Variants in CSMD1 observed in about 807,000 individuals in gnomAD.
CSMD1 encodes CUB and Sushi multiple domains 1.
Under a neutral mutation model 417.5 loss-of-function variants are expected in CSMD1, and 213 were observed. The observed-to-expected ratio is 0.51, with a 90% CI of 0.46 to 0.57. The LOEUF is 0.57. Among genes scored for constraint, CSMD1 ranks in the 20% least tolerant of loss-of-function variants. CSMD1 has a pLI of 0.00. For missense variants in CSMD1, 6,923 were observed against 4,529.7 expected (o/e 1.53, Z -15.17); for synonymous variants, 2,862 against 1,736.8 (o/e 1.65, Z -16.11).
intron 37 of CSMD1, among the ~76,000 whole-genome samples, chr8:3,169,201 G>C (rs934164063): frequency 1.3e-5 from 2 of 152,142 alleles, no homozygotes; most frequent in East Asian, 3.9e-4. Flanking sequence ...GTGAATTACA[G>C]ACTCCACCCC....
chr8:4,419,920 G>A (rs1585046503), intron 3 of CSMD1, 33 bp downstream of exon 3: 10 of 1,319,980 alleles, frequency 7.6e-6, no homozygotes, highest in East Asian at 7.5e-5. Flanking sequence ...TTTGGACAGT[G>A]AATGCATGTG....
chr8:4,800,424 G>C (rs1798216396), intron 1 of CSMD1, among the ~76,000 whole-genome samples: 1 of 137,932 alleles, frequency 7.2e-6, no homozygotes, highest in African/African-American at 2.7e-5. Flanking sequence ...GGTGACAAGA[G>C]CAAGACTTCA....
At chr8:4,240,499 C>T (rs1452942896) in intron 3 of CSMD1, among the ~76,000 whole-genome samples, 1 of 152,164 alleles carries the variant, frequency 6.6e-6, no homozygotes, top group Non-Finnish European at 1.5e-5. Context: ...GACACAAAGC[C>T]TGCAGCAAGA....
At chr8:3,520,043 C>T (rs187195251) in intron 10 of CSMD1, among the ~76,000 whole-genome samples, 31 of 106,058 alleles carry the variant, frequency 2.9e-4, no homozygotes, top group African/African-American at 8.0e-4. Flanking sequence ...TATATATACA[C>T]GTATAGTTGT....
intron 3 of CSMD1, among the ~76,000 whole-genome samples, chr8:4,135,998 T>A (rs746734132): frequency 1.3e-5 from 2 of 152,262 alleles, no homozygotes; most frequent in East Asian, 3.9e-4. Flanking sequence ...TCATCACAAA[T>A]TGAATTCAAT....
At chr8:4,751,629 G>A (rs1235407570) in intron 1 of CSMD1, among the ~76,000 whole-genome samples, 4 of 152,070 alleles carry the variant, frequency 2.6e-5, no homozygotes, top group African/African-American at 7.2e-5. Flanking sequence ...AGCCTCAAGG[G>A]TGAAAAATGC....
At chr8:4,956,133 T>A (rs894130664) in intron 1 of CSMD1, among the ~76,000 whole-genome samples, 15 of 152,182 alleles carry the variant, frequency 9.9e-5, no homozygotes, top group African/African-American at 3.6e-4. Context: ...TTCTCGCTCA[T>A]AATGGATGAC....
At chr8:4,265,479 A>G (rs1804183367) in intron 3 of CSMD1, among the ~76,000 whole-genome samples, 1 of 94,224 alleles carries the variant, frequency 1.1e-5, no homozygotes, top group African/African-American at 2.7e-5. Context: ...TGGTAAAAAT[A>G]AATATTGGAA....
intron 2 of CSMD1, among the ~76,000 whole-genome samples, chr8:4,544,461 G>A (rs1263656773): frequency 1.3e-5 from 2 of 151,824 alleles, no homozygotes; most frequent in Non-Finnish European, 2.9e-5. Context: ...CTCTTTCCTT[G>A]TAACGTTACA....
At chr8:4,526,351 C>T (rs1374699480) in intron 2 of CSMD1, among the ~76,000 whole-genome samples, 7 of 152,200 alleles carry the variant, frequency 4.6e-5, no homozygotes, top group Non-Finnish European at 5.9e-5. Flanking sequence ...ATTAGGTTCA[C>T]GCTGACCATG....
chr8:4,002,414 A>G (rs2740973), intron 4 of CSMD1, among the ~76,000 whole-genome samples: 1 of 152,010 alleles, frequency 6.6e-6, no homozygotes, highest in Non-Finnish European at 1.5e-5. Context: ...TACCTAACTA[A>G]TATGTTTGAT....
chr8:4,060,096 T>G (rs1270243846), intron 3 of CSMD1, among the ~76,000 whole-genome samples: 1 of 152,186 alleles, frequency 6.6e-6, no homozygotes, highest in Non-Finnish European at 1.5e-5. Flanking sequence ...CTATCCACCA[T>G]GATCAAGTGG....
intron 2 of CSMD1, among the ~76,000 whole-genome samples, chr8:4,461,043 A>T (rs368999196): frequency 2.6e-5 from 4 of 152,178 alleles, no homozygotes; most frequent in Non-Finnish European, 5.9e-5. Flanking sequence ...ATCCAACAAC[A>T]TATAAAGCAT....
At chr8:3,188,040 G>A (rs900129687) in intron 35 of CSMD1, 75 bp from the exon 36 acceptor site, 3 of 989,568 alleles carry the variant, frequency 3.0e-6, no homozygotes, top group Non-Finnish European at 4.6e-6. Context: ...GGGTTTTGGG[G>A]TTTTTCATGA....
intron 3 of CSMD1, among the ~76,000 whole-genome samples, chr8:4,316,427 G>A (rs369920850): frequency 6.6e-6 from 1 of 152,164 alleles, no homozygotes; most frequent in Non-Finnish European, 1.5e-5. Context: ...CATATATTAG[G>A]TTGATGTGAA....
chr8:4,058,696 G>A (rs1029547293), intron 3 of CSMD1, among the ~76,000 whole-genome samples: 6 of 138,658 alleles, frequency 4.3e-5, no homozygotes, highest in Non-Finnish European at 7.8e-5. Context: ...AGACAAAGAA[G>A]GCCATTACAT....
intron 3 of CSMD1, among the ~76,000 whole-genome samples, chr8:4,228,752 T>C (rs1230139227): frequency 1.3e-5 from 2 of 152,036 alleles, no homozygotes; most frequent in Admixed American, 6.6e-5. Context: ...GGTGGGATCT[T>C]AGCTCAATGC....
intron 3 of CSMD1, among the ~76,000 whole-genome samples, chr8:4,062,213 G>C (rs562647041): frequency 1.3e-5 from 2 of 152,156 alleles, no homozygotes; most frequent in Non-Finnish European, 1.5e-5. Context: ...TCCAAGCTAC[G>C]GGCCAGGTTC....
intron 1 of CSMD1, among the ~76,000 whole-genome samples, chr8:4,977,553 C>G (rs747227082): frequency 2.0e-5 from 3 of 152,214 alleles, no homozygotes; most frequent in African/African-American, 4.8e-5. Flanking sequence ...ACACAGCGCA[C>G]AGTGGCTGGC....
Sources: allele counts gnomAD v4.1 joint callset (sites outside exome capture counted in the v4.1 genomes callset), GRCh38; gene constraint gnomAD v4.1.1; transcripts MANE v1.5; gene names NCBI Gene and HGNC (gene_info 2026-07-23, HGNC 2026-07-21).